MMD: variants seen among roughly 807,000 people sequenced by gnomAD.
The protein encoded by MMD is monocyte to macrophage differentiation associated.
A neutral mutation model predicts 33.6 loss-of-function variants in MMD; 22 were observed. That is an observed-to-expected ratio of 0.66 (90% CI 0.47 to 0.94). The LOEUF (loss-of-function observed/expected upper bound fraction) is 0.94, where lower values mean the gene tolerates loss of function less well. MMD is among the 40% of genes least tolerant of loss of function. The pLI is 0.00. For synonymous variants in MMD, 97 were observed against 103.2 expected (o/e 0.94, Z 0.36); for missense variants, 242 against 309.8 (o/e 0.78, Z 1.64).
chr17:55,396,799 T>A (rs564704306), intron 6 of MMD, among the ~76,000 whole-genome samples: 11 of 151,982 alleles, frequency 7.2e-5, no homozygotes, highest in African/African-American at 2.7e-4. Flanking sequence ...GTATTTTTAG[T>A]AGAGATGGGG....
intron 1 of MMD, among the ~76,000 whole-genome samples, chr17:55,417,067 G>C (rs1224787891): frequency 2.0e-5 from 3 of 152,062 alleles, no homozygotes; most frequent in Admixed American, 2.0e-4. Flanking sequence ...AGAGACCTGG[G>C]AACACTCCTT....
At chr17:55,408,830 G>A (rs1366525199) in intron 3 of MMD, among the ~76,000 whole-genome samples, 1 of 152,058 alleles carries the variant, frequency 6.6e-6, no homozygotes, top group Non-Finnish European at 1.5e-5. Flanking sequence ...GTGAAACACT[G>A]TCTCTACTAA....
At chr17:55,399,366 T>C (rs978075710) in intron 6 of MMD, among the ~76,000 whole-genome samples, 1 of 152,234 alleles carries the variant, frequency 6.6e-6, no homozygotes, top group Non-Finnish European at 1.5e-5. Flanking sequence ...ATTCTGTTAC[T>C]GTGTTAGTGG....
intron 5 of MMD, among the ~76,000 whole-genome samples, chr17:55,401,885 A>C (rs532237746): frequency 2.6e-4 from 39 of 152,232 alleles, no homozygotes; most frequent in African/African-American, 9.1e-4. Flanking sequence ...CATCCTGATT[A>C]ACACGGTGAA....
intron 1 of MMD, among the ~76,000 whole-genome samples, chr17:55,421,131 C>T (rs1032999707): frequency 6.6e-6 from 1 of 152,252 alleles, no homozygotes; most frequent in African/African-American, 2.4e-5. Flanking sequence ...GAGCGTGCCT[C>T]AGTTTCCCTG....
At chr17:55,396,907 G>A (rs371156382) in intron 6 of MMD, among the ~76,000 whole-genome samples, 96 of 152,086 alleles carry the variant, frequency 6.3e-4, no homozygotes, top group African/African-American at 2.2e-3. Context: ...GAGCCACCGC[G>A]CCTGGCCAGT....
intron 6 of MMD, among the ~76,000 whole-genome samples, chr17:55,395,699 C>T (rs1907073278): frequency 6.6e-6 from 1 of 152,226 alleles, no homozygotes; most frequent in African/African-American, 2.4e-5. Context: ...TCCAAATGGA[C>T]TGACATTGGA....
At chr17:55,418,366 T>G (rs1243968433) in intron 1 of MMD, among the ~76,000 whole-genome samples, 1 of 152,260 alleles carries the variant, frequency 6.6e-6, no homozygotes, top group African/African-American at 2.4e-5. Context: ...AATTGTTGAA[T>G]GAATAGAAAG....
At chr17:55,407,905 C>T (rs1415111560) in intron 3 of MMD, 85 bp from the exon 4 acceptor site, 26 of 916,778 alleles carry the variant, frequency 2.8e-5, no homozygotes, top group South Asian at 2.7e-4. Context: ...TTGCAATTTC[C>T]ATTCTTGTTC....
chr17:55,414,043 C>G, intron 2 of MMD, 108 bp downstream of exon 2: 1 of 1,057,572 alleles, frequency 9.5e-7, no homozygotes, highest in South Asian at 1.3e-5. Context: ...GATAAGGTCA[C>G]AGATGGGTAA....
chr17:55,419,993 C>T (rs1036350407), intron 1 of MMD: 1 of 152,176 alleles, frequency 6.6e-6, no homozygotes, highest in African/African-American at 2.4e-5. Flanking sequence ...AAAGTCAGTT[C>T]AATAAGCTGA....
At chr17:55,397,954 A>G (rs6504961) in intron 6 of MMD, among the ~76,000 whole-genome samples, 2,497 of 151,952 alleles carry the variant, frequency 0.016, 75 homozygotes, top group African/African-American at 0.057. Flanking sequence ...GGCTGATTTT[A>G]AGGTCTTGTC....
At chr17:55,421,010 C>T (rs1908164709) in intron 1 of MMD, among the ~76,000 whole-genome samples, 2 of 152,204 alleles carry the variant, frequency 1.3e-5, no homozygotes, top group African/African-American at 2.4e-5. Context: ...CAGGTCTCGC[C>T]ACCCGAAAGC....
intron 6 of MMD, among the ~76,000 whole-genome samples, chr17:55,397,482 G>A (rs932589303): frequency 6.6e-6 from 1 of 151,440 alleles, no homozygotes; most frequent in Non-Finnish European, 1.5e-5. Context: ...AGTTGACAGG[G>A]TTTTTTTGTT....
rs1385153722 is a variant in MMD at position 55,411,387 on chromosome 17, C to T, written c.139G>A (p.Ala47Thr). The T allele has an allele frequency of 1.2e-6, 2 of 1,613,988 alleles. No homozygotes were observed. Among genetic ancestry groups the T allele is most frequent in the East Asian group, 2.2e-5 (1 of 44,872 alleles). The part of the protein sequence containing the change: ...FLIVPAIVGS[A>T]LLHRLSDDCW... ...TCATCAGACAGCCGATGGAGGAGGG[C>T]ACTGCCCACGATGGCCGGAACAATG... The change falls in exon 3 of 7, where the codon GCC (alanine) becomes ACC (threonine). Residue 47 changes from alanine (A) to threonine (T), a missense_variant. Coordinates refer to ENST00000262065, the MANE Select transcript of MMD (RefSeq NM_012329.3).
At position 55,403,883 on chromosome 17, in the gene MMD, G is replaced by A. The variant is rs142279754; in HGVS notation, c.345-15C>T. The A allele has an allele frequency of 2.4e-3, 3,860 of 1,579,902 alleles. 6 individuals carry two copies. The highest frequency in any genetic ancestry group is 3.1e-3 in the Non-Finnish European group (3,580 of 1,151,142). On this transcript the variant is annotated splice_polypyrimidine_tract_variant and intron_variant, in intron 4 of 6. Transcript: ENST00000262065. ...GAAGATTTAACCTAAAAATGTAAAC[G>A]TGACAACAAAGAACAGAAGTGATAA...
Position 55,394,365 on chromosome 17 carries a change from C to T in MMD, c.686G>A (p.Arg229Gln), listed in dbSNP as rs556969177. Residue 229 changes from arginine (R) to glutamine (Q), a missense_variant, in exon 7 of 7, where the codon CGA becomes CAA. Physicochemically the swap from Arg to Gln is conservative, Grantham distance 43 (BLOSUM62 1). Coordinates refer to ENST00000262065, the MANE Select transcript of MMD (RefSeq NM_012329.3). ...ATGCCGCATAAAGTCCGTAGGACTT[C>T]GGTAAAGGTATTTCCAAATGGCGTA... is the stretch of plus-strand genomic sequence containing the variant. ...HYYAIWKYLY[R>Q]SPTDFMRHL 9.9e-6 allele frequency: 14 copies of T among 1,410,260 alleles called. No individual in the cohort carries two copies. The highest frequency in any genetic ancestry group is 5.8e-5 in the Admixed American group (2 of 34,224). 87.4% of individuals were successfully genotyped at this position (1,410,260 alleles called of 1,614,324 possible).
chr17:55,397,651 C>T (rs1391746776), intron 6 of MMD, among the ~76,000 whole-genome samples: 1 of 152,066 alleles, frequency 6.6e-6, no homozygotes, highest in Non-Finnish European at 1.5e-5. Flanking sequence ...TTTCCTGCCT[C>T]AGCCTCAGCC....
intron 4 of MMD, among the ~76,000 whole-genome samples, chr17:55,407,107 T>C (rs1907579687): frequency 6.6e-6 from 1 of 151,948 alleles, no homozygotes; most frequent in African/African-American, 2.4e-5. Context: ...GGTGGGCAGA[T>C]CACTTGAGGT....
Sources: allele counts gnomAD v4.1 joint callset (sites outside exome capture counted in the v4.1 genomes callset), GRCh38; gene constraint gnomAD v4.1.1; transcripts MANE v1.5; gene names NCBI Gene and HGNC (gene_info 2026-07-23, HGNC 2026-07-21).